SNX29: variants seen among roughly 807,000 people sequenced by gnomAD.
SNX29 encodes the protein sorting nexin 29, also known as sorting nexin-29.
Under a neutral mutation model 102.1 loss-of-function variants are expected in SNX29, and 78 were observed. That is an observed-to-expected ratio of 0.76 (90% CI 0.64 to 0.92). The LOEUF (loss-of-function observed/expected upper bound fraction) is 0.92, where lower values mean the gene tolerates loss of function less well. Ranked by LOEUF, SNX29 falls within the 40% of genes least tolerant of loss-of-function variation. The probability of loss-of-function intolerance (pLI) is 0.00; values close to 1 mark genes in which losing one functional copy is unlikely to be tolerated. For synonymous variants in SNX29, 580 were observed against 414.5 expected (o/e 1.40, Z -4.85); for missense variants, 1,280 against 1,061.7 (o/e 1.21, Z -2.86).
intron 18 of SNX29, among the ~76,000 whole-genome samples, chr16:12,443,537 C>G (rs1274932670): frequency 1.3e-5 from 2 of 152,180 alleles, no homozygotes; most frequent in Non-Finnish European, 1.5e-5. Context: ...ACTACAATCT[C>G]TGCCTCCCCT....
intron 20 of SNX29, among the ~76,000 whole-genome samples, chr16:12,565,134 C>A (rs5015208): frequency 0.26 from 39,840 of 151,784 alleles, 5,740 homozygotes; most frequent in East Asian, 0.43. Flanking sequence ...TCCACATTAG[C>A]CCCCACTTCC....
intron 15 of SNX29, among the ~76,000 whole-genome samples, chr16:12,306,068 C>T (rs899832966): frequency 6.6e-6 from 1 of 151,968 alleles, no homozygotes; most frequent in Non-Finnish European, 1.5e-5. Context: ...CAGCCAGGCA[C>T]CTGCATGTAA....
At chr16:12,134,530 G>A (rs889934711) in intron 13 of SNX29, among the ~76,000 whole-genome samples, 1 of 152,198 alleles carries the variant, frequency 6.6e-6, no homozygotes, top group Non-Finnish European at 1.5e-5. Flanking sequence ...CCGTGGGGCT[G>A]CTCCCAACAC....
At chr16:12,131,272 A>G (rs940499363) in intron 13 of SNX29, among the ~76,000 whole-genome samples, 17 of 152,226 alleles carry the variant, frequency 1.1e-4, no homozygotes, top group Non-Finnish European at 2.4e-4. Context: ...CTTTTATTTA[A>G]AAGCCATTTT....
intron 19 of SNX29, among the ~76,000 whole-genome samples, chr16:12,500,655 AC>A (rs2089074114): frequency 6.6e-6 from 1 of 152,240 alleles, no homozygotes; most frequent in African/African-American, 2.4e-5. Flanking sequence ...TCAATATCTT[AC>A]CACTTAAAAT....
At chr16:12,416,752 G>T (rs2084654276) in intron 18 of SNX29, among the ~76,000 whole-genome samples, 1 of 152,082 alleles carries the variant, frequency 6.6e-6, no homozygotes, top group Non-Finnish European at 1.5e-5. Context: ...AGAGGAGGAG[G>T]TGTTACTCTA....
At chr16:12,416,061 T>C (rs1316550923) in intron 18 of SNX29, among the ~76,000 whole-genome samples, 2 of 152,138 alleles carry the variant, frequency 1.3e-5, no homozygotes, top group East Asian at 3.9e-4. Flanking sequence ...GATGGCCGCC[T>C]GGCTTGTCCT....
chr16:12,368,666 C>A (rs1257159794), intron 16 of SNX29, among the ~76,000 whole-genome samples: 1 of 152,200 alleles, frequency 6.6e-6, no homozygotes, highest in Non-Finnish European at 1.5e-5. Context: ...GCCACTGATC[C>A]TGAAGGAATA....
intron 13 of SNX29, among the ~76,000 whole-genome samples, chr16:12,157,919 T>C (rs2055622117): frequency 6.6e-6 from 1 of 152,222 alleles, no homozygotes; most frequent in African/African-American, 2.4e-5. Flanking sequence ...ACCACCTCTG[T>C]GAAGGCGCCG....
In SNX29 at chr16:11,995,217, C is replaced by T. The variant is rs1209416886; in HGVS notation, c.8-4080C>T. ...AGTAGCTGGGACTACAGGCGCCCGT[C>T]ACCACACCTGGCTAATTTTTGTATT... On this transcript the variant is annotated intron_variant, in intron 1 of 20. Coordinates refer to ENST00000566228, the MANE Select transcript of SNX29 (RefSeq NM_032167.5). Among the ~76,000 whole-genome samples, 3 of 152,278 alleles carry T rather than the reference C, an allele frequency of 2.0e-5. No homozygotes were observed. The East Asian group carries it at 5.8e-4, about 29-fold the overall frequency.
rs1413806243 is a variant in SNX29 at position 12,553,631 on chromosome 16, C to A, written c.2319-14875C>A. On this transcript the variant is annotated intron_variant, in intron 20 of 20. Coordinates refer to ENST00000566228, the MANE Select transcript of SNX29 (RefSeq NM_032167.5). ...GCAAGATGGAATTTTGTGCTTGTTG[C>A]CCAGGCTGGAGTGCAATGACGTGAT... 4.4e-5 allele frequency among the ~76,000 whole-genome samples: 6 copies of A among 135,032 alleles called. No homozygotes were observed. In the Admixed American group the frequency reaches 5.1e-4, roughly 11 times the overall value. The allele number at this position is 135,032 out of a possible 152,430, so 88.6% of individuals were successfully genotyped here.
rs2080303786 is a variant in SNX29 at position 12,305,288 on chromosome 16, G to C, written c.1782+27252G>C. 2.0e-5 allele frequency among the ~76,000 whole-genome samples: 3 copies of C among 152,266 alleles called. No individual in the cohort carries two copies. The South Asian group carries it at 6.2e-4, about 32-fold the overall frequency. On this transcript the variant is annotated intron_variant, in intron 15 of 20. Transcript: ENST00000566228. ...TCTTGGCAGAGGTGTGACGAGGTTA[G>C]ACTCAGGTGTTGCGAAGATCCCCCC...
chr16:12,124,121 G>C (rs538165779), intron 11 of SNX29, among the ~76,000 whole-genome samples: 1 of 152,286 alleles, frequency 6.6e-6, no homozygotes, highest in African/African-American at 2.4e-5. Context: ...ACTTTGGGAG[G>C]CCGAGGCATG....
intron 19 of SNX29, among the ~76,000 whole-genome samples, chr16:12,503,831 C>G (rs987880836): frequency 6.6e-6 from 1 of 152,190 alleles, no homozygotes; most frequent in African/African-American, 2.4e-5. Flanking sequence ...CAGAAACGTC[C>G]TAAGATTAGA....
intron 19 of SNX29, among the ~76,000 whole-genome samples, chr16:12,517,678 C>G (rs2089925092): frequency 6.6e-6 from 1 of 152,182 alleles, no homozygotes; most frequent in Admixed American, 6.5e-5. Context: ...AGATAAGGTG[C>G]CTGCCTTGGT....
intron 18 of SNX29, among the ~76,000 whole-genome samples, chr16:12,421,986 CACCAT>C (rs1410936830): frequency 1.3e-5 from 2 of 152,126 alleles, no homozygotes; most frequent in African/African-American, 4.8e-5. Flanking sequence ...ATCTATCCAT[CACCAT>C]CATCAGCCAT....
At chr16:12,460,193 T>A (rs1452676804) in intron 18 of SNX29, among the ~76,000 whole-genome samples, 1 of 152,180 alleles carries the variant, frequency 6.6e-6, no homozygotes, top group Non-Finnish European at 1.5e-5. Flanking sequence ...TGAGACTTCA[T>A]CACCCAACCA....
intron 14 of SNX29, among the ~76,000 whole-genome samples, chr16:12,266,172 G>A (rs758347759): frequency 6.6e-5 from 10 of 151,952 alleles, no homozygotes; most frequent in Non-Finnish European, 1.2e-4. Flanking sequence ...CGATCCTCCC[G>A]CCTCAGCCTC....
chr16:12,293,788 G>C (rs908114926), intron 15 of SNX29, among the ~76,000 whole-genome samples: 3 of 152,102 alleles, frequency 2.0e-5, no homozygotes, highest in Non-Finnish European at 4.4e-5. Context: ...CTGTTCTTTT[G>C]GAAAGCTGCA....
Sources: allele counts gnomAD v4.1 joint callset (sites outside exome capture counted in the v4.1 genomes callset), GRCh38; gene constraint gnomAD v4.1.1; transcripts MANE v1.5; gene names NCBI Gene and HGNC (gene_info 2026-07-23, HGNC 2026-07-21).